PLD5: variants seen among roughly 807,000 people sequenced by gnomAD.
The protein encoded by PLD5 is phospholipase D family member 5.
A neutral mutation model predicts 61.1 loss-of-function variants in PLD5; 36 were observed. The observed-to-expected ratio is 0.59, with a 90% CI of 0.45 to 0.78. The LOEUF is 0.78. PLD5 is among the 30% of genes least tolerant of loss of function. The probability of loss-of-function intolerance (pLI) is 0.00; values close to 1 mark genes in which losing one functional copy is unlikely to be tolerated. For synonymous variants in PLD5, 243 were observed against 242.8 expected, an observed-to-expected ratio of 1.00 and a Z score of -0.01; for missense variants, 515 against 644.4, an observed-to-expected ratio of 0.80 and a Z score of 2.17.
At chr1:242,416,090 A>T (rs1053521550) in intron 1 of PLD5, among the ~76,000 whole-genome samples, 1 of 152,010 alleles carries the variant, frequency 6.6e-6, no homozygotes, top group African/African-American at 2.4e-5. Context: ...TGGTGGCAGT[A>T]TTGGCTACTG....
intron 1 of PLD5, among the ~76,000 whole-genome samples, chr1:242,442,263 C>G (rs1230284071): frequency 6.6e-6 from 1 of 152,160 alleles, no homozygotes; most frequent in Non-Finnish European, 1.5e-5. Context: ...TTCACATACT[C>G]ATTGTCATGA....
intron 1 of PLD5, among the ~76,000 whole-genome samples, chr1:242,502,814 A>G (rs1286773613): frequency 1.3e-5 from 2 of 152,104 alleles, no homozygotes; most frequent in Admixed American, 6.5e-5. Flanking sequence ...TAATCCCAGC[A>G]CTTTGGGAGG....
At chr1:242,386,437 C>T (rs377636148) in intron 1 of PLD5, among the ~76,000 whole-genome samples, 2 of 152,152 alleles carry the variant, frequency 1.3e-5, no homozygotes, top group African/African-American at 4.8e-5. Context: ...CCTGATGTGA[C>T]GCACTGAGAA....
At chr1:242,278,181 C>T (rs1246863032) in intron 3 of PLD5, among the ~76,000 whole-genome samples, 1 of 151,944 alleles carries the variant, frequency 6.6e-6, no homozygotes, top group Non-Finnish European at 1.5e-5. Flanking sequence ...AGGAAAAAAT[C>T]TGACCTATTC....
rs931436613 is a variant in PLD5 at position 242,088,500 on chromosome 1, C to T, written c.*1354G>A. On this transcript the variant is annotated 3_prime_UTR_variant, in exon 10 of 10. Transcript: ENST00000536534. ...AAAACAAGTTATAAATATTTCCTAC[C>T]GTGACAACATCCTTGCGAGGTAGGT... The T allele has an allele frequency of 2.0e-5, 3 of 151,954 alleles. No individual in the cohort carries two copies. The highest frequency in any genetic ancestry group is 1.9e-4 in the East Asian group (1 of 5,186). 9.4% of individuals were successfully genotyped at this position (151,954 alleles called of 1,614,324 possible).
chr1:242,208,343 A>G (rs1170726280), intron 5 of PLD5, among the ~76,000 whole-genome samples: 1 of 152,072 alleles, frequency 6.6e-6, no homozygotes, highest in Non-Finnish European at 1.5e-5. Context: ...CAGAATACTT[A>G]TAGCTGACAC....
At chr1:242,396,815 G>A (rs935560126) in intron 1 of PLD5, among the ~76,000 whole-genome samples, 1 of 151,746 alleles carries the variant, frequency 6.6e-6, no homozygotes, top group African/African-American at 2.4e-5. Flanking sequence ...TAGTTGCTGG[G>A]ACTACAGATG....
intron 5 of PLD5, among the ~76,000 whole-genome samples, chr1:242,185,599 T>C (rs1222804360): frequency 1.3e-5 from 2 of 152,174 alleles, no homozygotes; most frequent in Admixed American, 6.5e-5. Flanking sequence ...TAGAGAGATA[T>C]TATACAAGGG....
At chr1:242,135,910 T>A (rs1050838063) in intron 5 of PLD5, among the ~76,000 whole-genome samples, 1 of 152,168 alleles carries the variant, frequency 6.6e-6, no homozygotes, top group Non-Finnish European at 1.5e-5. Context: ...GGCAGGAAGA[T>A]TGACCTCCCT....
intron 1 of PLD5, among the ~76,000 whole-genome samples, chr1:242,479,777 T>C (rs79876537): frequency 0.043 from 6,585 of 151,928 alleles, 229 homozygotes; most frequent in Middle Eastern, 0.061. Flanking sequence ...GGCACAGTGG[T>C]TTACGCCTGT....
chr1:242,156,147 G>A (rs938812773), intron 5 of PLD5, among the ~76,000 whole-genome samples: 1 of 152,010 alleles, frequency 6.6e-6, no homozygotes, highest in Admixed American at 6.6e-5. Flanking sequence ...TTTAAAGTCT[G>A]TTTTATTAGA....
intron 5 of PLD5, among the ~76,000 whole-genome samples, chr1:242,149,309 A>G (rs1006723737): frequency 7.9e-5 from 12 of 151,870 alleles, no homozygotes; most frequent in African/African-American, 2.4e-4. Context: ...TGATTGTTCA[A>G]TACTGAACTA....
At chr1:242,337,943 G>T (rs1233075322) in intron 2 of PLD5, among the ~76,000 whole-genome samples, 1 of 152,080 alleles carries the variant, frequency 6.6e-6, no homozygotes, top group African/African-American at 2.4e-5. Flanking sequence ...ATCTTTTATT[G>T]CTTGCTACCA....
intron 9 of PLD5, among the ~76,000 whole-genome samples, chr1:242,091,193 T>C (rs1480956421): frequency 2.0e-5 from 3 of 152,204 alleles, no homozygotes; most frequent in Non-Finnish European, 4.4e-5. Context: ...ACGATTTCTC[T>C]AAAGATCCTG....
chr1:242,251,993 G>C (rs1672729854), intron 4 of PLD5, among the ~76,000 whole-genome samples: 2 of 152,202 alleles, frequency 1.3e-5, no homozygotes, highest in African/African-American at 4.8e-5. Flanking sequence ...TGTTCAGTAA[G>C]TAAGAGACAT....
rs190528660 is a variant in PLD5, at chr1:242,125,242, T to C, written c.736-577A>G. Among the ~76,000 whole-genome samples the C allele has an allele frequency of 2.0e-5, 3 of 152,344 alleles. No individual in the cohort carries two copies. In the East Asian group the frequency reaches 5.8e-4, roughly 29 times the overall value. On this transcript the variant is annotated intron_variant, in intron 5 of 9. Transcript: ENST00000536534. ...TGAAATGGTTAATACATATAAGAAG[T>C]GTCTATCACATGGTAATCACTAGCA...
At chr1:242,459,582 C>T (rs1435408456) in intron 1 of PLD5, among the ~76,000 whole-genome samples, 4 of 152,056 alleles carry the variant, frequency 2.6e-5, no homozygotes, top group African/African-American at 9.7e-5. Context: ...GTAGGGAGAC[C>T]CCCTGAAACT....
chr1:242,146,931 A>C (rs941898087), intron 5 of PLD5, among the ~76,000 whole-genome samples: 2 of 152,238 alleles, frequency 1.3e-5, no homozygotes, highest in African/African-American at 4.8e-5. Flanking sequence ...TCATGTATTC[A>C]AAACTAATGT....
chr1:242,194,666 C>CTATT (rs1336548697), intron 5 of PLD5, among the ~76,000 whole-genome samples: 1 of 150,110 alleles, frequency 6.7e-6, no homozygotes, highest in Non-Finnish European at 1.5e-5. Flanking sequence ...ATCTATCTAT[C>CTATT]TACCTATCTA....
Sources: gnomAD v4.1 joint callset for allele counts (sites outside exome capture counted in the v4.1 genomes callset) on GRCh38, gnomAD v4.1.1 for gene constraint, MANE v1.5 for transcripts, NCBI Gene and HGNC (gene_info 2026-07-23, HGNC 2026-07-21) for gene names.